Variants in SMAD1 observed in about 807,000 individuals in gnomAD.
SMAD1 encodes the protein SMAD family member 1.
In SMAD1, 6 loss-of-function variants were observed where a neutral mutation model predicts 41.6. The observed-to-expected ratio is 0.14, with a 90% CI of 0.08 to 0.28. The LOEUF (loss-of-function observed/expected upper bound fraction) is 0.28. SMAD1 is among the 10% of genes least tolerant of loss of function. SMAD1 has a pLI of 1.00. For synonymous variants in SMAD1, 206 were observed against 203.2 expected (o/e 1.01, Z -0.12); for missense variants, 379 against 582.6 (o/e 0.65, Z 3.60).
intron 1 of SMAD1, among the ~76,000 whole-genome samples, chr4:145,513,734 T>C (rs1726917339): frequency 6.6e-6 from 1 of 152,206 alleles, no homozygotes; most frequent in African/African-American, 2.4e-5. Context: ...TTTTTGTTGA[T>C]TGAGGTGTTT....
At chr4:145,492,262 C>T (rs1728808313) in intron 1 of SMAD1, among the ~76,000 whole-genome samples, 1 of 152,162 alleles carries the variant, frequency 6.6e-6, no homozygotes, top group Non-Finnish European at 1.5e-5. Context: ...TCAGATCCCA[C>T]AGATTGAAGG....
intron 1 of SMAD1, among the ~76,000 whole-genome samples, chr4:145,490,535 G>T (rs1473169026): frequency 1.3e-5 from 2 of 152,140 alleles, no homozygotes; most frequent in Non-Finnish European, 2.9e-5. Context: ...TTACTTTTTG[G>T]TATCACTTTG....
At chr4:145,504,654 G>C (rs903877373) in intron 1 of SMAD1, among the ~76,000 whole-genome samples, 2 of 152,152 alleles carry the variant, frequency 1.3e-5, no homozygotes, top group African/African-American at 2.4e-5. Flanking sequence ...CAGCCCTCTT[G>C]CTGGGCCATT....
At chr4:145,546,573 A>G (rs940137949) in intron 4 of SMAD1, 130 bp from the exon 5 acceptor site, 7 of 707,810 alleles carry the variant, frequency 9.9e-6, no homozygotes, top group African/African-American at 8.8e-5. Context: ...GAAAAACTGT[A>G]TACATTATAA....
At chr4:145,554,599 A>G (rs903957420) in intron 6 of SMAD1, among the ~76,000 whole-genome samples, 1 of 152,156 alleles carries the variant, frequency 6.6e-6, no homozygotes, top group African/African-American at 2.4e-5. Flanking sequence ...CAAGATAAAT[A>G]GATGCCTTAG....
At chr4:145,487,657 G>A (rs1728546905) in intron 1 of SMAD1, among the ~76,000 whole-genome samples, 1 of 152,146 alleles carries the variant, frequency 6.6e-6, no homozygotes, top group African/African-American at 2.4e-5. Context: ...AAAGGAAAGA[G>A]AAGAAAAAGG....
intron 2 of SMAD1, among the ~76,000 whole-genome samples, chr4:145,527,152 T>A (rs1020535950): frequency 1.3e-5 from 2 of 152,152 alleles, no homozygotes; most frequent in African/African-American, 2.4e-5. Flanking sequence ...ATTAATAAAG[T>A]TAAAATAGTG....
intron 2 of SMAD1, among the ~76,000 whole-genome samples, chr4:145,530,687 G>A (rs116103171): frequency 1.4e-3 from 211 of 151,304 alleles, no homozygotes; most frequent in African/African-American, 4.9e-3. Context: ...AAATACTACC[G>A]TGTTGCTACC....
At chr4:145,489,867 G>C (rs927507855) in intron 1 of SMAD1, among the ~76,000 whole-genome samples, 10 of 152,134 alleles carry the variant, frequency 6.6e-5, no homozygotes, top group African/African-American at 2.4e-4. Context: ...TTAATAGAAG[G>C]AAGAGGCTAA....
At chr4:145,534,229 T>C (rs1418435658) in intron 2 of SMAD1, among the ~76,000 whole-genome samples, 1 of 152,236 alleles carries the variant, frequency 6.6e-6, no homozygotes, top group Non-Finnish European at 1.5e-5. Flanking sequence ...GCCGCCAGTC[T>C]ATGGTATTGT....
At chr4:145,517,344 TA>T (rs1375216434) in intron 2 of SMAD1, among the ~76,000 whole-genome samples, 1 of 152,228 alleles carries the variant, frequency 6.6e-6, no homozygotes, top group East Asian at 1.9e-4. Flanking sequence ...CATTACTTAA[TA>T]AACTAAGTAA....
At chr4:145,490,545 G>A (rs1728718665) in intron 1 of SMAD1, among the ~76,000 whole-genome samples, 1 of 152,180 alleles carries the variant, frequency 6.6e-6, no homozygotes, top group African/African-American at 2.4e-5. Flanking sequence ...GTATCACTTT[G>A]TGGCCTGGTA....
chr4:145,553,113 C>T (rs955070691), intron 5 of SMAD1, among the ~76,000 whole-genome samples: 8 of 150,956 alleles, frequency 5.3e-5, no homozygotes, highest in Non-Finnish European at 7.4e-5. Flanking sequence ...GGGGTTTCAC[C>T]GTGCTGCCCA....
At position 145,523,294 on chromosome 4, in the gene SMAD1, C is replaced by T. The variant is rs546511876; in HGVS notation, c.400+8281C>T. ...CTTACACACTGGATAGAGGCTGCAG[C>T]TAACTCTTACACACCCAGGAGTCAC... On this transcript the variant is annotated intron_variant, in intron 2 of 6. Coordinates refer to ENST00000302085, the MANE Select transcript of SMAD1 (RefSeq NM_005900.3). 6.6e-5 allele frequency among the ~76,000 whole-genome samples: 10 copies of T among 152,286 alleles called. No homozygotes were observed. In the East Asian group the frequency reaches 1.7e-3, roughly 26 times the overall value.
rs1343998257 is a variant in SMAD1, at chr4:145,558,903, T to C, written c.*969T>C. On this transcript the variant is annotated 3_prime_UTR_variant, in exon 7 of 7. Transcript: ENST00000302085. The stretch of plus-strand genomic sequence containing the variant: ...TTTAATAAGCAGTTTTTACGGAGTT[T>C]ACAGTACAGAAATAGGCTTTAATTT... Among the ~76,000 whole-genome samples, 1 of 152,216 alleles carries C rather than the reference T, an allele frequency of 6.6e-6. No individual in the cohort carries two copies. Among genetic ancestry groups the C allele is most frequent in the Non-Finnish European group, 1.5e-5 (1 of 68,034 alleles).
At chr4:145,510,305 T>C (rs1344201242) in intron 1 of SMAD1, among the ~76,000 whole-genome samples, 1 of 152,152 alleles carries the variant, frequency 6.6e-6, no homozygotes, top group East Asian at 1.9e-4. Flanking sequence ...CTACTTTCTT[T>C]GGGTTTATTT....
Position 145,558,080 on chromosome 4 carries a change from A to AAAC in SMAD1, c.*148_*149insCAA, listed in dbSNP as rs1732947194. 4.9e-5 allele frequency: 7 copies of AAAC among 141,968 alleles called. No homozygotes were observed. The highest frequency in any genetic ancestry group is 1.7e-4 in the African/African-American group (5 of 28,782). 8.8% of individuals were successfully genotyped at this position (141,968 alleles called of 1,614,324 possible). On this transcript the variant is annotated 3_prime_UTR_variant, in exon 7 of 7. Transcript: ENST00000302085. ...AACTGTTGGATTCAGAAATTTAAACAAAAAAAAAAAAAAACACACACACCT... is the reference window on the plus strand; with the variant it reads ...AACTGTTGGATTCAGAAATTTAAACAAACAAAAAAAAAAAAAACACACACACCT...
At chr4:145,529,185 T>C (rs764969674) in intron 2 of SMAD1, among the ~76,000 whole-genome samples, 3 of 152,232 alleles carry the variant, frequency 2.0e-5, no homozygotes, top group Non-Finnish European at 2.9e-5. Flanking sequence ...AACCTGCTTC[T>C]GACTGTTACT....
At chr4:145,546,604 T>C in intron 4 of SMAD1, 99 bp from the exon 5 acceptor site, 1 of 832,612 alleles carries the variant, frequency 1.2e-6, no homozygotes, top group Non-Finnish European at 2.1e-6. Flanking sequence ...TTTTCCAGTG[T>C]CTTCATTCCA....
Sources: gnomAD v4.1 joint callset for allele counts (sites outside exome capture counted in the v4.1 genomes callset) on GRCh38, gnomAD v4.1.1 for gene constraint, MANE v1.5 for transcripts, NCBI Gene and HGNC (gene_info 2026-07-23, HGNC 2026-07-21) for gene names.